EIF1AX: variants seen among roughly 807,000 people sequenced by gnomAD.
EIF1AX encodes the protein eukaryotic translation initiation factor 1A X-linked, also known as eukaryotic translation initiation factor 1A, X-chromosomal.
In EIF1AX, 1 loss-of-function variant was observed where a neutral mutation model predicts 16.1. That is an observed-to-expected ratio of 0.06 (90% CI 0.02 to 0.30). The LOEUF is 0.30. Among genes scored for constraint, EIF1AX ranks in the 10% least tolerant of loss-of-function variants. EIF1AX has a pLI of 1.00. For missense variants in EIF1AX, 11 were observed against 109.1 expected (o/e 0.10, Z 4.00); for synonymous variants, 32 against 37.3 (o/e 0.86, Z 0.51).
Position 20,126,869 on chromosome X carries a change from T to G in EIF1AX, c.*1437A>C, listed in dbSNP as rs1445078432. On this transcript the variant is annotated 3_prime_UTR_variant, in exon 7 of 7. Coordinates refer to ENST00000379607, the MANE Select transcript of EIF1AX (RefSeq NM_001412.4). Reference sequence around the variant, plus strand: ...TTAAATCCAGAGTTTGGTGTACACTTAGGAAATTATAGTAAGAGTAGATTA... The same window carrying G: ...TTAAATCCAGAGTTTGGTGTACACTGAGGAAATTATAGTAAGAGTAGATTA... 1 of 144,998 alleles carries G rather than the reference T, an allele frequency of 6.9e-6. No individual in the cohort carries two copies. Among genetic ancestry groups the G allele is most frequent in the Non-Finnish European group, 1.4e-5 (1 of 71,987 alleles). The allele number at this position is 144,998 out of a possible 1,213,427, so 11.9% of individuals were successfully genotyped here. A position where few individuals can be genotyped will look rare whatever the true frequency, so the allele number is the denominator to read the frequency against.
rs188007314 is a variant in EIF1AX, at chrX:20,134,812, A to G, written c.205-805T>C. 7.4e-3 allele frequency among the ~76,000 whole-genome samples: 834 copies of G among 112,518 alleles called. 6 individuals carry two copies. The highest frequency in any genetic ancestry group is 9.5e-3 in the Non-Finnish European group (507 of 53,289). On this transcript the variant is annotated intron_variant, in intron 3 of 6. Transcript: ENST00000379607. Reference sequence around the variant, plus strand: ...GGATTAACATACCAAATTAAAAAAAATAAATACAAAATCAGAGTTGGGACT... The same window carrying G: ...GGATTAACATACCAAATTAAAAAAAGTAAATACAAAATCAGAGTTGGGACT...
At chrX:20,138,419 TA>T (rs1349437328) in intron 2 of EIF1AX, 119 bp downstream of exon 2, 13 of 580,708 alleles carry the variant, frequency 2.2e-5, no homozygotes, top group Non-Finnish European at 3.8e-5. Flanking sequence ...CAGTGGGCTG[TA>T]ATCGTGCCAC....
At chrX:20,130,899 G>C (rs1426725453) in intron 5 of EIF1AX, among the ~76,000 whole-genome samples, 1 of 111,380 alleles carries the variant, frequency 9.0e-6, no homozygotes, top group Non-Finnish European at 1.9e-5. Flanking sequence ...ATTTCCTTAA[G>C]AATAGCTGGT....
At chrX:20,128,953 G>A (rs771643950) in intron 6 of EIF1AX, among the ~76,000 whole-genome samples, 55 of 106,943 alleles carry the variant, frequency 5.1e-4, no homozygotes, top group African/African-American at 1.8e-3. Context: ...TTTTTTTAAA[G>A]AGGCCTTCTA....
intron 4 of EIF1AX, among the ~76,000 whole-genome samples, chrX:20,133,560 A>T (rs1232265873): frequency 9.1e-6 from 1 of 109,685 alleles, no homozygotes; most frequent in Non-Finnish European, 1.9e-5. Context: ...ACAAATAGAG[A>T]TAGTATCATA....
intron 4 of EIF1AX, among the ~76,000 whole-genome samples, chrX:20,133,405 G>A (rs779148786): frequency 9.0e-6 from 1 of 111,180 alleles, no homozygotes; most frequent in Non-Finnish European, 1.9e-5. Flanking sequence ...CCCCAGTTGT[G>A]ACAACCAGAA....
chrX:20,140,416 C>T (rs752715481), intron 1 of EIF1AX: 2 of 112,245 alleles, frequency 1.8e-5, no homozygotes, highest in Non-Finnish European at 3.8e-5. Flanking sequence ...CCCCTTACCA[C>T]CTCAGAGAGA....
At chrX:20,132,963 G>C (rs1420331255) in intron 4 of EIF1AX, among the ~76,000 whole-genome samples, 1 of 111,988 alleles carries the variant, frequency 8.9e-6, no homozygotes, top group Non-Finnish European at 1.9e-5. Flanking sequence ...AATGTAAAGT[G>C]TATAGAAGCC....
At chrX:20,135,043 A>C (rs1416064862) in intron 3 of EIF1AX, among the ~76,000 whole-genome samples, 1 of 109,656 alleles carries the variant, frequency 9.1e-6, no homozygotes, top group Admixed American at 9.8e-5. Flanking sequence ...AGGGCAACCT[A>C]CTCCATTTAA....
rs1007281786 is a variant in EIF1AX, at chrX:20,125,802, T to C, written c.*2504A>G. 3.8e-5 allele frequency: 6 copies of C among 157,415 alleles called. No homozygotes were observed. The highest frequency in any genetic ancestry group is 3.7e-5 in the Non-Finnish European group (3 of 80,688). The allele number at this position is 157,415 out of a possible 1,213,427, so 13.0% of individuals were successfully genotyped here. A position where few individuals can be genotyped will look rare whatever the true frequency, so the allele number is the denominator to read the frequency against. ...CAAAGAGTTTGTAAGCAAACATTTA[T>C]AGCCATGATTCCACAGATGTGGTGA... is the stretch of plus-strand genomic sequence containing the variant. On this transcript the variant is annotated 3_prime_UTR_variant, in exon 7 of 7. Coordinates refer to ENST00000379607, the MANE Select transcript of EIF1AX (RefSeq NM_001412.4).
rs771167647 is a variant in EIF1AX at position 20,133,409 on chromosome X, A to G, written c.255+548T>C. ...CTGCACCCATCCCCCAGTTGTGACA[A>G]CCAGAAAAGTCTCCAGACACTGCCA... On this transcript the variant is annotated intron_variant, in intron 4 of 6. Transcript: ENST00000379607. 3.6e-5 allele frequency among the ~76,000 whole-genome samples: 4 copies of G among 111,302 alleles called. No individual in the cohort carries two copies. In the East Asian group the frequency reaches 1.1e-3, roughly 31 times the overall value.
In EIF1AX at chrX:20,128,042, T is replaced by G. The variant is rs1274266640; in HGVS notation, c.*264A>C. On this transcript the variant is annotated 3_prime_UTR_variant, in exon 7 of 7. Coordinates refer to ENST00000379607, the MANE Select transcript of EIF1AX (RefSeq NM_001412.4). Reference sequence around the variant, plus strand: ...TAGGAAAAGCAGCAATGCATGGTTTTTTTTTTTTTTTGTAATTAGTAGACA... The same window carrying G: ...TAGGAAAAGCAGCAATGCATGGTTTGTTTTTTTTTTTGTAATTAGTAGACA... 3 of 251,002 alleles carry G rather than the reference T, an allele frequency of 1.2e-5. No homozygotes were observed. The highest frequency in any genetic ancestry group is 2.1e-5 in the Non-Finnish European group (3 of 141,944). The allele number at this position is 251,002 out of a possible 1,213,427, so 20.7% of individuals were successfully genotyped here.
chrX:20,130,058 T>C (rs902078662), intron 6 of EIF1AX, among the ~76,000 whole-genome samples: 3 of 110,534 alleles, frequency 2.7e-5, no homozygotes, highest in African/African-American at 9.9e-5. Context: ...CCCCAGCACT[T>C]TGGGAGGCCG....
intron 5 of EIF1AX, among the ~76,000 whole-genome samples, chrX:20,131,742 G>A (rs1361429763): frequency 2.1e-5 from 2 of 95,577 alleles, no homozygotes; most frequent in Non-Finnish European, 4.1e-5. Context: ...ACTCAGGCTC[G>A]AGTATAGTGG....
In EIF1AX at chrX:20,125,274, A is replaced by G. The variant is rs745656784; in HGVS notation, c.*3032T>C. On this transcript the variant is annotated 3_prime_UTR_variant, in exon 7 of 7. Coordinates refer to ENST00000379607, the MANE Select transcript of EIF1AX (RefSeq NM_001412.4). ...GGGGAATAAGAGAGGACAAAGTCCA[A>G]TACATTCTCCAAATTGCTCAGTTCA... 2 of 167,025 alleles carry G rather than the reference A, an allele frequency of 1.2e-5. No homozygotes were observed. Among genetic ancestry groups the G allele is most frequent in the African/African-American group, 3.0e-5 (1 of 33,597 alleles). The allele number at this position is 167,025 out of a possible 1,213,427, so 13.8% of individuals were successfully genotyped here. A position where few individuals can be genotyped will look rare whatever the true frequency, so the allele number is the denominator to read the frequency against.
chrX:20,128,381 A>G, intron 6 of EIF1AX, 70 bp from the exon 7 acceptor site: 1 of 967,229 alleles, frequency 1.0e-6, no homozygotes, highest in Non-Finnish European at 1.4e-6. Context: ...CTCCATATAT[A>G]AGGGAGACTT....
chrX:20,139,384 C>T (rs1431130568), intron 1 of EIF1AX, among the ~76,000 whole-genome samples: 1 of 112,184 alleles, frequency 8.9e-6, no homozygotes, highest in East Asian at 2.8e-4. Context: ...CCCATGAGGT[C>T]ATAACATTCA....
Position 20,133,978 on chromosome X carries a change from C to A in EIF1AX, c.234G>T (p.Leu78Phe). The stretch of plus-strand genomic sequence containing the variant: ...TTACCTGGTAGTCTCGGAGACCAAC[C>A]AAAATAATGTCCGAGGTATTTATCC... Reference protein sequence around the residue: ...KVWINTSDIILVGLRDYQDNK... With the variant: ...KVWINTSDIIFVGLRDYQDNK... The change falls in exon 4 of 7, where the codon TTG becomes TTT. Residue 78 changes from leucine to phenylalanine, a missense_variant. Transcript: ENST00000379607. The A allele has an allele frequency of 8.3e-7, 1 of 1,200,026 alleles. No homozygotes were observed. Among genetic ancestry groups the A allele is most frequent in the East Asian group, 3.0e-5 (1 of 33,107 alleles).
At chrX:20,140,911 A>G (rs900398488) in intron 1 of EIF1AX, among the ~76,000 whole-genome samples, 6 of 110,056 alleles carry the variant, frequency 5.5e-5, no homozygotes, top group African/African-American at 2.0e-4. Flanking sequence ...AGTTATCCTC[A>G]AGTCTGATCA....
Sources: gnomAD v4.1 joint callset for allele counts (sites outside exome capture counted in the v4.1 genomes callset) on GRCh38, gnomAD v4.1.1 for gene constraint, MANE v1.5 for transcripts, NCBI Gene and HGNC (gene_info 2026-07-23, HGNC 2026-07-21) for gene names.